The following ATP2A2 variants were observed in gnomAD, a reference collection of about 807,000 sequenced individuals.
The protein encoded by ATP2A2 is sarcoplasmic/endoplasmic reticulum calcium ATPase 2.
ATP2A2 carries 14 observed loss-of-function variants against 109.3 expected under a neutral mutation model. That is an observed-to-expected ratio of 0.13 (90% CI 0.08 to 0.20). The LOEUF (loss-of-function observed/expected upper bound fraction) is 0.20. Among genes scored for constraint, ATP2A2 ranks in the 10% least tolerant of loss-of-function variants. ATP2A2 has a pLI of 1.00. For synonymous variants in ATP2A2, 506 were observed against 490.9 expected (o/e 1.03, Z -0.41); for missense variants, 657 against 1,321.6 (o/e 0.50, Z 7.80).
chr12:110,341,061 CCA>C lies in ATP2A2; in HGVS notation c.2097+69_2097+70del. On this transcript the variant is annotated intron_variant, in intron 14 of 19. Transcript: ENST00000539276. ...AGCACATAGTAGCCTCTAATTTTGACCACTGAATTTTTTTGTCATAGCTCCCT... is the reference window on the plus strand; with the variant it reads ...AGCACATAGTAGCCTCTAATTTTGACCTGAATTTTTTTGTCATAGCTCCCT... The C allele has an allele frequency of 1.2e-5, 18 of 1,557,230 alleles. No homozygotes were observed. The South Asian group carries it at 2.0e-4, about 17-fold the overall frequency.
intron 5 of ATP2A2, among the ~76,000 whole-genome samples, chr12:110,299,422 G>A (rs1874312631): frequency 6.6e-6 from 1 of 152,162 alleles, no homozygotes. Flanking sequence ...TAAGAATAAT[G>A]AAGGAAAGAT....
intron 3 of ATP2A2, among the ~76,000 whole-genome samples, chr12:110,291,781 G>A (rs978137192): frequency 6.6e-6 from 1 of 151,572 alleles, no homozygotes; most frequent in African/African-American, 2.4e-5. Flanking sequence ...TGAGTAGCTG[G>A]GATTACAGGC....
intron 9 of ATP2A2, 28 bp from the exon 10 acceptor site, chr12:110,333,153 G>T (rs1274100954): frequency 1.9e-6 from 3 of 1,581,626 alleles, no homozygotes; most frequent in Non-Finnish European, 2.6e-6. Context: ...ACCATACCCT[G>T]CTCTAAGAGT....
In ATP2A2 at chr12:110,349,507, T is replaced by G. The variant is rs372113582; in HGVS notation, c.*3037T>G. ...TCTGCAGAATGCAGATGATCCATTC[T>G]GGAGGAAGCTGTCCCTTGAGCTCAG... is the stretch of plus-strand genomic sequence containing the variant. On this transcript the variant is annotated 3_prime_UTR_variant, in exon 20 of 20. Transcript: ENST00000539276. 269 of 986,056 alleles carry G rather than the reference T, an allele frequency of 2.7e-4. 1 individual carries two copies. The African/African-American group carries it at 4.5e-3, about 16-fold the overall frequency. 61.1% of individuals were successfully genotyped at this position (986,056 alleles called of 1,614,324 possible).
At chr12:110,341,639 G>A (rs970162325) in intron 14 of ATP2A2, among the ~76,000 whole-genome samples, 9 of 152,132 alleles carry the variant, frequency 5.9e-5, no homozygotes, top group African/African-American at 1.7e-4. Flanking sequence ...TTGGGAGGCC[G>A]AGGCAGGTGA....
chr12:110,304,697 A>G (rs886104671), intron 5 of ATP2A2, among the ~76,000 whole-genome samples: 6 of 152,134 alleles, frequency 3.9e-5, no homozygotes, highest in African/African-American at 1.4e-4. Context: ...CCCATTCTAT[A>G]GGGATTCCTT....
chr12:110,332,571 T>A, intron 8 of ATP2A2, 26 bp from the exon 9 acceptor site: 1 of 1,567,060 alleles, frequency 6.4e-7, no homozygotes, highest in South Asian at 1.1e-5. Flanking sequence ...CCCTTTTAAA[T>A]ACTCTGATGC....
At chr12:110,315,225 T>C (rs1237847143) in intron 5 of ATP2A2, among the ~76,000 whole-genome samples, 1 of 152,178 alleles carries the variant, frequency 6.6e-6, no homozygotes, top group Non-Finnish European at 1.5e-5. Context: ...GTGTTTGACC[T>C]TTTAAACGTG....
Position 110,347,886 on chromosome 12 carries a change from C to T in ATP2A2, c.*1416C>T. ...ATGTCACTAACTTATAAGCCGCCTC[C>T]ATGGCAGATGCTGCTGTGCTCCCTG... On this transcript the variant is annotated 3_prime_UTR_variant, in exon 20 of 20. Transcript: ENST00000539276. The T allele has an allele frequency of 1.0e-6, 1 of 997,938 alleles. No individual in the cohort carries two copies. 61.8% of individuals were successfully genotyped at this position (997,938 alleles called of 1,614,324 possible). A position where few individuals can be genotyped will look rare whatever the true frequency, so the allele number is the denominator to read the frequency against.
intron 3 of ATP2A2, among the ~76,000 whole-genome samples, chr12:110,287,983 G>T (rs1872835929): frequency 6.6e-6 from 1 of 151,266 alleles, no homozygotes; most frequent in African/African-American, 2.4e-5. Flanking sequence ...CTGTCGCCCA[G>T]CGGGTAAATG....
intron 3 of ATP2A2, among the ~76,000 whole-genome samples, chr12:110,289,786 A>C (rs2137695450): frequency 6.6e-6 from 1 of 152,308 alleles, no homozygotes; most frequent in South Asian, 2.1e-4. Flanking sequence ...TGTGGTTAAC[A>C]CTGTTTCTGG....
At chr12:110,317,246 C>G (rs146384075) in intron 5 of ATP2A2, among the ~76,000 whole-genome samples, 404 of 152,176 alleles carry the variant, frequency 2.7e-3, no homozygotes, top group African/African-American at 8.7e-3. Flanking sequence ...CATTTAGATT[C>G]AAAAACAACA....
chr12:110,281,762 A>G lies in ATP2A2; in HGVS notation c.-28A>G. The G allele has an allele frequency of 6.9e-7, 1 of 1,448,832 alleles. No homozygotes were observed. Among genetic ancestry groups the G allele is most frequent in the Non-Finnish European group, 9.2e-7 (1 of 1,088,234 alleles). 89.7% of individuals were successfully genotyped at this position (1,448,832 alleles called of 1,614,324 possible). A position where few individuals can be genotyped will look rare whatever the true frequency, so the allele number is the denominator to read the frequency against. ...GAGGCGAGGAGGCCGCGGGGACGGG[A>G]GGCGAGGCCGGCCGGGCCCCCGAAG... On this transcript the variant is annotated 5_prime_UTR_variant, in exon 1 of 20. Coordinates refer to ENST00000539276, the MANE Select transcript of ATP2A2 (RefSeq NM_170665.4).
intron 11 of ATP2A2, among the ~76,000 whole-genome samples, chr12:110,335,764 C>T (rs139963394): frequency 6.6e-6 from 1 of 152,338 alleles, no homozygotes; most frequent in Non-Finnish European, 1.5e-5. Context: ...GAGTGTGATG[C>T]TCTCAGAGCA....
In ATP2A2 at chr12:110,348,331, CAGTT is replaced by C; in HGVS notation, c.*1865_*1868del. ...TAGCTCTGCAGGGGATGTTAAAGCA[CAGTT>C]AGTAGGACGTGGCTCTGCACAGCCC... On this transcript the variant is annotated 3_prime_UTR_variant, in exon 20 of 20. Transcript: ENST00000539276. 1 of 985,270 alleles carries C rather than the reference CAGTT, an allele frequency of 1.0e-6. No homozygotes were observed. Among genetic ancestry groups the C allele is most frequent in the Non-Finnish European group, 1.2e-6 (1 of 829,934 alleles). 61.0% of individuals were successfully genotyped at this position (985,270 alleles called of 1,614,324 possible).
chr12:110,345,216 G>C (rs1375384119), intron 17 of ATP2A2, 33 bp from the exon 18 acceptor site: 1 of 1,614,034 alleles, frequency 6.2e-7, no homozygotes, highest in East Asian at 2.2e-5. Flanking sequence ...AAATATACTG[G>C]GCTGATAGGA....
At position 110,350,072 on chromosome 12, in the gene ATP2A2, CGAGGA is replaced by C; in HGVS notation, c.*3604_*3608del. 1.4e-6 allele frequency: 2 copies of C among 1,438,450 alleles called. No individual in the cohort carries two copies. The highest frequency in any genetic ancestry group is 1.8e-6 in the Non-Finnish European group (2 of 1,101,434). 89.1% of individuals were successfully genotyped at this position (1,438,450 alleles called of 1,614,324 possible). On this transcript the variant is annotated 3_prime_UTR_variant, in exon 20 of 20. Coordinates refer to ENST00000539276, the MANE Select transcript of ATP2A2 (RefSeq NM_170665.4). ...GCCTTTATTCTGTAGCCAGACGACA[CGAGGA>C]GTCTGTGTCACTGAGCCAGTGCTTC...
At position 110,340,431 on chromosome 12, in the gene ATP2A2, T is replaced by C. The variant is rs1283366212; in HGVS notation, c.1762-228T>C. ...CGCATACCTGTAGTCCCAGCTACCC[T>C]GGAGGCTGAGGCAGAAGAGTCTCTT... On this transcript the variant is annotated intron_variant, in intron 13 of 19. Transcript: ENST00000539276. This position sits in a 1 kb window ranked among gnomAD's most constrained non-coding sequence, Gnocchi z 6.0. Among the ~76,000 whole-genome samples, 1 of 150,952 alleles carries C rather than the reference T, an allele frequency of 6.6e-6. No individual in the cohort carries two copies. Among genetic ancestry groups the C allele is most frequent in the Non-Finnish European group, 1.5e-5 (1 of 67,834 alleles).
chr12:110,316,195 T>C (rs751172589), intron 5 of ATP2A2, among the ~76,000 whole-genome samples: 7 of 152,278 alleles, frequency 4.6e-5, no homozygotes, highest in African/African-American at 1.7e-4. Context: ...AATGCAGTTA[T>C]GTAAATGGAG....
Sources: allele counts gnomAD v4.1 joint callset (sites outside exome capture counted in the v4.1 genomes callset), GRCh38; gene constraint gnomAD v4.1.1; non-coding constraint Gnocchi (gnomAD v3.1); transcripts MANE v1.5; gene names NCBI Gene and HGNC (gene_info 2026-07-23, HGNC 2026-07-21).